Variants in DIS3L2 observed in about 807,000 individuals in gnomAD.
DIS3L2 encodes the protein DIS3-like exonuclease 2.
DIS3L2 carries 34 observed loss-of-function variants against 97.5 expected under a neutral mutation model. The observed-to-expected ratio is 0.35, with a 90% confidence interval of 0.27 to 0.46. The LOEUF is 0.46. Ranked by LOEUF, DIS3L2 falls within the 20% of genes least tolerant of loss-of-function variation. The pLI, the probability that DIS3L2 is intolerant of heterozygous loss-of-function variation, is 1.00. For synonymous variants in DIS3L2, 435 were observed against 445.2 expected (o/e 0.98, Z 0.29); for missense variants, 1,038 against 1,146.0 (o/e 0.91, Z 1.36).
At position 232,156,660 on chromosome 2, in the gene DIS3L2, A is replaced by G. The variant is rs530255909; in HGVS notation, c.951-6799A>G. On this transcript the variant is annotated intron_variant, in intron 8 of 20. Transcript: ENST00000325385. ...CCTTTTCTATTTTAGGCATAAGACAATCATTTAGGTCCGTATTGTATCCTG... is the reference window on the plus strand; with the variant it reads ...CCTTTTCTATTTTAGGCATAAGACAGTCATTTAGGTCCGTATTGTATCCTG... Among the ~76,000 whole-genome samples, 10 of 152,220 alleles carry G rather than the reference A, an allele frequency of 6.6e-5. No individual in the cohort carries two copies. The South Asian group carries it at 1.5e-3, about 22-fold the overall frequency.
chr2:232,111,350 G>T, intron 6 of DIS3L2: 1 of 440,524 alleles, frequency 2.3e-6, no homozygotes, highest in South Asian at 1.7e-5. Flanking sequence ...CATGGACATT[G>T]TTCATCTAGT....
intron 1 of DIS3L2, among the ~76,000 whole-genome samples, chr2:232,013,464 C>T (rs374706381): frequency 2.0e-5 from 3 of 152,168 alleles, no homozygotes; most frequent in Admixed American, 6.5e-5. Context: ...TGCGAGAACT[C>T]GCCTGTATTT....
intron 5 of DIS3L2, among the ~76,000 whole-genome samples, chr2:232,081,213 G>A (rs1168474047): frequency 6.6e-6 from 1 of 152,092 alleles, no homozygotes; most frequent in Non-Finnish European, 1.5e-5. Context: ...AGTGAATCAG[G>A]AAGCACTTTG....
intron 1 of DIS3L2, among the ~76,000 whole-genome samples, chr2:231,999,915 C>A (rs1056483470): frequency 3.9e-5 from 6 of 151,974 alleles, no homozygotes; most frequent in Non-Finnish European, 8.8e-5. Context: ...TTAACATATC[C>A]ATTATGTCAT....
chr2:232,065,708 T>C (rs1418508630), intron 5 of DIS3L2, among the ~76,000 whole-genome samples: 3 of 152,014 alleles, frequency 2.0e-5, no homozygotes, highest in Non-Finnish European at 4.4e-5. Flanking sequence ...TCTACTTCTA[T>C]GCATAAAGCC....
chr2:232,087,446 C>A, intron 5 of DIS3L2, 41 bp from the exon 6 acceptor site: 1 of 1,366,756 alleles, frequency 7.3e-7, no homozygotes, highest in Non-Finnish European at 9.9e-7. Flanking sequence ...TTTTTTTTTT[C>A]CTCTCTCAGT....
chr2:232,046,990 C>T (rs1393582490), intron 5 of DIS3L2, among the ~76,000 whole-genome samples: 1 of 152,128 alleles, frequency 6.6e-6, no homozygotes, highest in South Asian at 2.1e-4. Context: ...ACAATCATGT[C>T]ATTTCTGTCT....
At chr2:232,022,156 C>A (rs974546045) in intron 3 of DIS3L2, among the ~76,000 whole-genome samples, 2 of 152,160 alleles carry the variant, frequency 1.3e-5, no homozygotes, top group African/African-American at 2.4e-5. Flanking sequence ...TTCTCTCAGG[C>A]TATAGGAACA....
At chr2:232,081,098 G>A (rs539798980) in intron 5 of DIS3L2, among the ~76,000 whole-genome samples, 68 of 152,208 alleles carry the variant, frequency 4.5e-4, no homozygotes, top group African/African-American at 1.2e-3. Context: ...GAGTGTGCAT[G>A]GTAATGTTGT....
intron 8 of DIS3L2, among the ~76,000 whole-genome samples, chr2:232,149,132 A>G (rs1021169219): frequency 6.6e-5 from 10 of 151,188 alleles, no homozygotes; most frequent in Non-Finnish European, 8.8e-5. Flanking sequence ...AAGAAGGCTT[A>G]AAAAAGATAC....
chr2:232,285,322 G>T (rs1029362594), intron 13 of DIS3L2, among the ~76,000 whole-genome samples: 35 of 152,156 alleles, frequency 2.3e-4, no homozygotes, highest in African/African-American at 7.7e-4. Flanking sequence ...GACTCACCTA[G>T]CACCTGCAGG....
rs568012412 is a variant in DIS3L2, at chr2:232,333,322, C to G, written c.2011-518C>G. On this transcript the variant is annotated intron_variant, in intron 16 of 20. Transcript: ENST00000325385. ...TCGCCACCTCCTCCTCCTCCTCCCC[C>G]ACCCCCCGCCGCTACCTTTCTTTCT... Among the ~76,000 whole-genome samples, 6 of 149,472 alleles carry G rather than the reference C, an allele frequency of 4.0e-5. No homozygotes were observed. The South Asian group carries it at 1.3e-3, about 32-fold the overall frequency.
At position 232,276,259 on chromosome 2, in the gene DIS3L2, C is replaced by A. The variant is rs1415349567; in HGVS notation, c.1659+12819C>A. On this transcript the variant is annotated intron_variant, in intron 13 of 20. Transcript: ENST00000325385. This position sits in a 1 kb window ranked among gnomAD's most constrained non-coding sequence, Gnocchi z 4.4. Reference sequence around the variant, plus strand: ...TGAGCTCTGAGAATGCTGGCTTGGCCATTAGGCAGTTTGAAACTGATTTGC... The same window carrying A: ...TGAGCTCTGAGAATGCTGGCTTGGCAATTAGGCAGTTTGAAACTGATTTGC... Among the ~76,000 whole-genome samples, 1 of 152,210 alleles carries A rather than the reference C, an allele frequency of 6.6e-6. No homozygotes were observed. Among genetic ancestry groups the A allele is most frequent in the Non-Finnish European group, 1.5e-5 (1 of 68,036 alleles).
chr2:232,272,250 T>C (rs771406976), intron 13 of DIS3L2, among the ~76,000 whole-genome samples: 10 of 152,232 alleles, frequency 6.6e-5, no homozygotes, highest in Non-Finnish European at 1.3e-4. Context: ...GAGGGTTGCT[T>C]CCTGTGTGTT....
chr2:232,341,334 T>C (rs1303345742), downstream of DIS3L2, among the ~76,000 whole-genome samples: 1 of 152,096 alleles, frequency 6.6e-6, no homozygotes, highest in African/African-American at 2.4e-5. Flanking sequence ...TAGAGTGACA[T>C]GGATAGAAAG....
chr2:232,333,840 A>G lies in DIS3L2; in HGVS notation c.2011A>G (p.Met671Val), dbSNP rs1553551554. 9 of 1,609,862 alleles carry G rather than the reference A, an allele frequency of 5.6e-6. No individual in the cohort carries two copies. Among genetic ancestry groups the G allele is most frequent in the Non-Finnish European group, 7.6e-6 (9 of 1,178,478 alleles). Reference sequence around the variant, plus strand: ...GGCTCTGACCCATCCCGTCCCGCAGATGGCACTGTACTTCTGCTCGGGGCT... The same window carrying G: ...GGCTCTGACCCATCCCGTCCCGCAGGTGGCACTGTACTTCTGCTCGGGGCT... ...LTNMCSRPMQMALYFCSGLLQ... is the reference protein window; with the variant it reads ...LTNMCSRPMQVALYFCSGLLQ... The change falls in exon 17 of 21, where the codon ATG (methionine) becomes GTG (valine). Residue 671 changes from methionine (M) to valine (V), a missense_variant and splice_region_variant. Met to Val is a conservative substitution (Grantham distance 21, BLOSUM62 1). Transcript: ENST00000325385.
rs959385627 is a variant in DIS3L2 at position 232,292,859 on chromosome 2, T to G, written c.1660-7181T>G. 3.3e-5 allele frequency among the ~76,000 whole-genome samples: 5 copies of G among 152,176 alleles called. No individual in the cohort carries two copies. The highest frequency in any genetic ancestry group is 1.2e-4 in the African/African-American group (5 of 41,424). On this transcript the variant is annotated intron_variant, in intron 13 of 20. Transcript: ENST00000325385. This position sits in a 1 kb window ranked among gnomAD's most constrained non-coding sequence, Gnocchi z 4.4. ...ACCTTGTTGTTGCCTCTTGGGTCCTTCACTTCCTTCCCTCTTCACTCAATA... is the reference window on the plus strand; with the variant it reads ...ACCTTGTTGTTGCCTCTTGGGTCCTGCACTTCCTTCCCTCTTCACTCAATA...
In DIS3L2 at chr2:231,986,360, A is replaced by T. The variant is rs138078330; in HGVS notation, c.-94+24595A>T. Reference sequence around the variant, plus strand: ...AACCCTGATTAGTACACATACCCACAGGAAAGTTATCAACTTAATTTAACA... The same window carrying T: ...AACCCTGATTAGTACACATACCCACTGGAAAGTTATCAACTTAATTTAACA... On this transcript the variant is annotated intron_variant, in intron 1 of 20. Coordinates refer to ENST00000325385, the MANE Select transcript of DIS3L2 (RefSeq NM_152383.5). 2.0e-4 allele frequency among the ~76,000 whole-genome samples: 31 copies of T among 152,330 alleles called. No individual in the cohort carries two copies. The East Asian group carries it at 6.0e-3, about 29-fold the overall frequency.
chr2:232,015,807 A>T, intron 3 of DIS3L2, 136 bp downstream of exon 3: 1 of 925,796 alleles, frequency 1.1e-6, no homozygotes, highest in South Asian at 2.0e-5. Context: ...ATGATGGCAT[A>T]ACAGAGATGA....
Sources: allele counts gnomAD v4.1 joint callset (sites outside exome capture counted in the v4.1 genomes callset), GRCh38; gene constraint gnomAD v4.1.1; non-coding constraint Gnocchi (gnomAD v3.1); transcripts MANE v1.5; gene names NCBI Gene and HGNC (gene_info 2026-07-23, HGNC 2026-07-21).